DHDH: variants seen among roughly 807,000 people sequenced by gnomAD.
DHDH encodes the protein trans-1,2-dihydrobenzene-1,2-diol dehydrogenase.
In DHDH, 29 loss-of-function variants were observed where a neutral mutation model predicts 33.2. The observed-to-expected ratio is 0.87, with a 90% confidence interval of 0.65 to 1.19. The LOEUF is 1.19. Among genes scored for constraint, DHDH ranks in the 50% most tolerant of loss-of-function variants. DHDH has a pLI of 0.00. For missense variants in DHDH, 431 were observed against 455.0 expected, an observed-to-expected ratio of 0.95 and a Z score of 0.48; for synonymous variants, 201 against 187.9, an observed-to-expected ratio of 1.07 and a Z score of -0.57.
intron 5 of DHDH, among the ~76,000 whole-genome samples, chr19:48,943,265 G>GAAGCCAGTTATTATC (rs1180309249): frequency 1.3e-5 from 2 of 151,998 alleles, no homozygotes; most frequent in African/African-American, 4.8e-5. Flanking sequence ...GTCCTGAGGA[G>GAAGCCAGTTATTATC]AAGCCAGTTA....
intron 5 of DHDH, among the ~76,000 whole-genome samples, chr19:48,943,427 AC>A (rs2037895195): frequency 6.6e-6 from 1 of 151,576 alleles, no homozygotes; most frequent in Non-Finnish European, 1.5e-5. Flanking sequence ...ATGGTGACTT[AC>A]ACCTGTAATC....
chr19:48,943,189 G>A (rs1357564866), intron 5 of DHDH, among the ~76,000 whole-genome samples: 1 of 151,990 alleles, frequency 6.6e-6, no homozygotes, highest in Non-Finnish European at 1.5e-5. Context: ...GCAGTGAGCT[G>A]TGATTGTGCC....
At chr19:48,944,269 C>G in intron 5 of DHDH, 88 bp from the exon 6 acceptor site, 1 of 1,571,840 alleles carries the variant, frequency 6.4e-7, no homozygotes, top group East Asian at 2.3e-5. Flanking sequence ...AAGAGGGAGG[C>G]CCCTGTGCAC....
At position 48,944,902 on chromosome 19, in the gene DHDH, T is replaced by C. The variant is rs777296897; in HGVS notation, c.974T>C (p.Ile325Thr). ...ADILEEVRKAIGVTFPQDKR is the reference protein window; with the variant it reads ...ADILEEVRKATGVTFPQDKR ...ATCCTTGAAGAGGTGAGGAAGGCCA[T>C]TGGAGTCACCTTCCCCCAAGACAAA... The change falls in exon 7 of 7, where the codon ATT becomes ACT. Residue 325 changes from isoleucine to threonine, a missense_variant. Coordinates refer to ENST00000221403, the MANE Select transcript of DHDH (RefSeq NM_014475.4). 13 of 1,614,076 alleles carry C rather than the reference T, an allele frequency of 8.1e-6. No individual in the cohort carries two copies. Among genetic ancestry groups the C allele is most frequent in the East Asian group, 2.2e-5 (1 of 44,874 alleles).
chr19:48,934,466 C>A (rs376256690), intron 1 of DHDH, among the ~76,000 whole-genome samples: 1 of 152,176 alleles, frequency 6.6e-6, no homozygotes, highest in Non-Finnish European at 1.5e-5. Flanking sequence ...CTTCTGTCTC[C>A]TGCTCTCCCT....
At chr19:48,944,746 A>C in intron 6 of DHDH, 78 bp from the exon 7 acceptor site, 1 of 1,374,172 alleles carries the variant, frequency 7.3e-7, no homozygotes, top group Non-Finnish European at 1.0e-6. Flanking sequence ...ATTGTGCCAC[A>C]TGGAATTCTG....
chr19:48,939,834 A>G, intron 4 of DHDH, 133 bp downstream of exon 4: 2 of 1,320,244 alleles, frequency 1.5e-6, no homozygotes, highest in Non-Finnish European at 2.0e-6. Context: ...CCATGAAGCC[A>G]GAGAGGATCA....
chr19:48,941,869 C>G (rs2037865542), intron 4 of DHDH, among the ~76,000 whole-genome samples: 1 of 151,926 alleles, frequency 6.6e-6, no homozygotes, highest in African/African-American at 2.4e-5. Flanking sequence ...GACAAGGTCT[C>G]ACTATGTTGC....
rs567015967 is a variant in DHDH at position 48,943,832 on chromosome 19, A to C, written c.745-525A>C. 8.6e-4 allele frequency among the ~76,000 whole-genome samples: 130 copies of C among 151,154 alleles called. 1 individual carries two copies. The highest frequency in any genetic ancestry group is 3.1e-3 in the African/African-American group (128 of 41,182). On this transcript the variant is annotated intron_variant, in intron 5 of 6. Coordinates refer to ENST00000221403, the MANE Select transcript of DHDH (RefSeq NM_014475.4). ...CAAGAGCGAAACTCCGTCTCACAAA[A>C]AAAAAAAAAAAAATTAGTCAGGCAT...
intron 1 of DHDH, among the ~76,000 whole-genome samples, chr19:48,934,583 G>A (rs150625756): frequency 1.8e-3 from 271 of 152,268 alleles, no homozygotes; most frequent in African/African-American, 6.2e-3. Context: ...CAGTGATACT[G>A]CTCTGTTACT....
intron 2 of DHDH, 49 bp downstream of exon 2, chr19:48,935,160 GC>G (rs1460680624): frequency 2.8e-6 from 4 of 1,444,700 alleles, no homozygotes; most frequent in Admixed American, 2.3e-5. Flanking sequence ...CTGGAGCGGT[GC>G]CCCCTGGCTG....
rs1220946014 is a variant in DHDH, at chr19:48,935,062, C to A, written c.153C>A (p.Ile51=). Reference sequence around the variant, plus strand: ...AGGAGTTTGCACAGAAACACGACATCCCCAAGGCCTACGGCTCCTATGAGG... The same window carrying A: ...AGGAGTTTGCACAGAAACACGACATACCCAAGGCCTACGGCTCCTATGAGG... ...RAKEFAQKHD[I]PKAYGSYEEL... is the part of the protein sequence containing the mutation. Residue 51 remains isoleucine, a synonymous_variant, in exon 2 of 7, where the codon ATC becomes ATA. Coordinates refer to ENST00000221403, the MANE Select transcript of DHDH (RefSeq NM_014475.4). The A allele has an allele frequency of 1.3e-6, 2 of 1,593,692 alleles. No homozygotes were observed. The highest frequency in any genetic ancestry group is 2.3e-5 in the East Asian group (1 of 44,012).
intron 6 of DHDH, 44 bp from the exon 7 acceptor site, chr19:48,944,780 G>C (rs1465844408): frequency 6.5e-7 from 1 of 1,546,858 alleles, no homozygotes; most frequent in Admixed American, 1.7e-5. Context: ...TTTGGGTCTT[G>C]GGCGCGTGGG....
At chr19:48,940,351 T>C (rs1383647321) in intron 4 of DHDH, among the ~76,000 whole-genome samples, 2 of 147,554 alleles carry the variant, frequency 1.4e-5, no homozygotes, top group Admixed American at 1.3e-4. Context: ...TGAGACTCCA[T>C]CTCAAAAAAA....
Position 48,936,118 on chromosome 19 carries a change from A to C in DHDH, c.289A>C (p.Lys97Gln), listed in dbSNP as rs756117252. The C allele has an allele frequency of 1.2e-6, 2 of 1,611,604 alleles. No homozygotes were observed. Among genetic ancestry groups the C allele is most frequent in the East Asian group, 4.5e-5 (2 of 44,838 alleles). The change falls in exon 3 of 7, where the codon AAG becomes CAG. Residue 97 changes from lysine to glutamine, a missense_variant. Physicochemically the swap from Lys to Gln is moderately conservative, Grantham distance 53. Transcript: ENST00000221403. ...GGCGGGCAAGGCCGTTCTGTGCGAGAAGCCCACGGGCGTGAACGCGGCGGA... is the reference window on the plus strand; with the variant it reads ...GGCGGGCAAGGCCGTTCTGTGCGAGCAGCCCACGGGCGTGAACGCGGCGGA... Reference protein sequence around the residue: ...LAAGKAVLCEKPTGVNAAEVR... With the variant: ...LAAGKAVLCEQPTGVNAAEVR...
At position 48,944,343 on chromosome 19, in the gene DHDH, T is replaced by C. The variant is rs1330586965; in HGVS notation, c.745-14T>C. The C allele has an allele frequency of 6.2e-7, 1 of 1,613,374 alleles. No individual in the cohort carries two copies. The highest frequency in any genetic ancestry group is 1.3e-5 in the African/African-American group (1 of 74,914). On this transcript the variant is annotated splice_polypyrimidine_tract_variant and intron_variant, in intron 5 of 6. Coordinates refer to ENST00000221403, the MANE Select transcript of DHDH (RefSeq NM_014475.4). ...TTGGTGAAGGCAGCAGTGCCACTTCTTCTCTCCCTCCAGCTCCTCAACCCC... is the reference window on the plus strand; with the variant it reads ...TTGGTGAAGGCAGCAGTGCCACTTCCTCTCTCCCTCCAGCTCCTCAACCCC...
chr19:48,943,339 G>A (rs2037893098), intron 5 of DHDH, among the ~76,000 whole-genome samples: 1 of 151,816 alleles, frequency 6.6e-6, no homozygotes, highest in Non-Finnish European at 1.5e-5. Context: ...GGATCTGGGT[G>A]TTACCAAAGG....
Position 48,939,434 on chromosome 19 carries a change from C to G in DHDH, c.367-15C>G. Reference sequence around the variant, plus strand: ...TTAGAACTGGTTGGTTAACTCCTTTCCTTGTGGTCTGCAGGCCATCTGGAC... The same window carrying G: ...TTAGAACTGGTTGGTTAACTCCTTTGCTTGTGGTCTGCAGGCCATCTGGAC... On this transcript the variant is annotated splice_polypyrimidine_tract_variant and intron_variant, in intron 3 of 6. Coordinates refer to ENST00000221403, the MANE Select transcript of DHDH (RefSeq NM_014475.4). 6.2e-7 allele frequency: 1 copy of G among 1,605,870 alleles called. No homozygotes were observed.
intron 3 of DHDH, among the ~76,000 whole-genome samples, chr19:48,938,937 T>C (rs1448763672): frequency 6.6e-6 from 1 of 152,178 alleles, no homozygotes. Context: ...GTGCTGGGAT[T>C]ACAGGCGTGA....
Sources: allele counts gnomAD v4.1 joint callset (sites outside exome capture counted in the v4.1 genomes callset), GRCh38; gene constraint gnomAD v4.1.1; transcripts MANE v1.5; gene names NCBI Gene and HGNC (gene_info 2026-07-23, HGNC 2026-07-21).